Variants in USP54 observed in about 807,000 individuals in gnomAD.
USP54 encodes the protein ubiquitin carboxyl-terminal hydrolase 54.
USP54 carries 87 observed loss-of-function variants against 170.5 expected under a neutral mutation model. The ratio of observed to expected loss-of-function variants is 0.51; its 90% CI spans 0.43 to 0.61. USP54 has a LOEUF of 0.61. Ranked by LOEUF, USP54 falls within the 20% of genes least tolerant of loss-of-function variation. The pLI, the probability that USP54 is intolerant of heterozygous loss-of-function variation, is 0.00. For missense variants in USP54, 1,786 were observed against 2,047.8 expected (o/e 0.87, Z 2.47); for synonymous variants, 655 against 742.8 (o/e 0.88, Z 1.92).
chr10:73,558,994 T>G (rs1590377565), intron 4 of USP54, among the ~76,000 whole-genome samples: 1 of 152,182 alleles, frequency 6.6e-6, no homozygotes, highest in Admixed American at 6.5e-5. Flanking sequence ...CTCAAAAAAT[T>G]TTATAATATA....
In USP54 at chr10:73,505,438, A is replaced by AC; in HGVS notation, c.4052-13_4052-12insG. On this transcript the variant is annotated splice_polypyrimidine_tract_variant and intron_variant, in intron 20 of 23. Transcript: ENST00000687698. Reference sequence around the variant, plus strand: ...GCCATCTGCAGAGCCTGAAGAGGAAAACACAAATACAAGTTGAGGCCATCT... The same window carrying AC: ...GCCATCTGCAGAGCCTGAAGAGGAAACACACAAATACAAGTTGAGGCCATCT... The AC allele has an allele frequency of 6.2e-7, 1 of 1,612,304 alleles. No individual in the cohort carries two copies. The highest frequency in any genetic ancestry group is 8.5e-7 in the Non-Finnish European group (1 of 1,178,712).
At position 73,497,621 on chromosome 10, in the gene USP54, CTG is replaced by C. The variant is rs2057305372; in HGVS notation, c.*1006_*1007del. 6.6e-6 allele frequency: 1 copy of C among 151,974 alleles called. No homozygotes were observed. The highest frequency in any genetic ancestry group is 2.1e-4 in the South Asian group (1 of 4,828). The allele number at this position is 151,974 out of a possible 1,614,324, so 9.4% of individuals were successfully genotyped here. A position where few individuals can be genotyped will look rare whatever the true frequency, so the allele number is the denominator to read the frequency against. On this transcript the variant is annotated 3_prime_UTR_variant, in exon 24 of 24. Coordinates refer to ENST00000687698, the MANE Select transcript of USP54 (RefSeq NM_001391956.1). ...TTGGCCTAAAATAGTTCAGCTGACT[CTG>C]AGGGTTTACATTGACGACTGAGCAA...
Position 73,516,892 on chromosome 10 carries a change from T to C in USP54, c.3534A>G (p.Lys1178=), listed in dbSNP as rs760025284. The part of the protein sequence containing the change: ...SKPPFSQGQE[K]GHWPWAKQQS... ...GTTGCTTTGCCCATGGCCAGTGGCC[T>C]TTCTCTTGACCCTGTGAGAAAGGAG... is the stretch of plus-strand genomic sequence containing the variant. Residue 1178 remains lysine, a synonymous_variant, in exon 20 of 24, where the codon AAA becomes AAG. Coordinates refer to ENST00000687698, the MANE Select transcript of USP54 (RefSeq NM_001391956.1). 4.3e-6 allele frequency: 7 copies of C among 1,614,120 alleles called. No individual in the cohort carries two copies. The highest frequency in any genetic ancestry group is 1.3e-5 in the African/African-American group (1 of 74,946).
intron 12 of USP54, 130 bp downstream of exon 12, chr10:73,534,470 C>T: frequency 2.8e-6 from 3 of 1,079,636 alleles, no homozygotes; most frequent in Non-Finnish European, 3.9e-6. Flanking sequence ...CCTTGGCCGC[C>T]CGCCTCGGCC....
At chr10:73,613,307 T>C (rs566373335) in intron 1 of USP54, among the ~76,000 whole-genome samples, 2 of 151,580 alleles carry the variant, frequency 1.3e-5, no homozygotes, top group South Asian at 4.2e-4. Context: ...AATTTTTGTA[T>C]TTTTAGTCAA....
At chr10:73,610,524 T>C (rs2132308899) in intron 1 of USP54, among the ~76,000 whole-genome samples, 1 of 152,116 alleles carries the variant, frequency 6.6e-6, no homozygotes, top group South Asian at 2.1e-4. Context: ...TCTGGGAGGC[T>C]GAAGTGGGAG....
At chr10:73,581,185 G>A (rs1338554084) in intron 1 of USP54, among the ~76,000 whole-genome samples, 1 of 152,256 alleles carries the variant, frequency 6.6e-6, no homozygotes, top group South Asian at 2.1e-4. Context: ...CCCAGAATGG[G>A]AGGACAAGGC....
intron 4 of USP54, among the ~76,000 whole-genome samples, chr10:73,557,391 G>A (rs1273071777): frequency 6.6e-6 from 1 of 151,314 alleles, no homozygotes; most frequent in Non-Finnish European, 1.5e-5. Flanking sequence ...GCGCAATCTC[G>A]CTCACTGCAA....
intron 1 of USP54, among the ~76,000 whole-genome samples, chr10:73,598,553 A>AGT (rs1216579258): frequency 1.3e-5 from 2 of 152,012 alleles, no homozygotes; most frequent in African/African-American, 4.8e-5. Context: ...GAGAAGGCCG[A>AGT]TCACAACAAG....
intron 1 of USP54, chr10:73,606,311 T>G (rs1445740304): frequency 6.6e-6 from 1 of 151,800 alleles, no homozygotes; most frequent in Non-Finnish European, 1.5e-5. Flanking sequence ...TTTACCACAA[T>G]TTTTTAAAAA....
chr10:73,581,878 T>C (rs968905313), intron 1 of USP54, among the ~76,000 whole-genome samples: 1 of 152,190 alleles, frequency 6.6e-6, no homozygotes. Flanking sequence ...CATTACAGAT[T>C]AAGGTTGCCA....
chr10:73,555,823 G>T (rs1403115658), intron 4 of USP54, among the ~76,000 whole-genome samples: 1 of 152,008 alleles, frequency 6.6e-6, no homozygotes, highest in African/African-American at 2.4e-5. Context: ...CATAAATTCT[G>T]GCAAGGAAAG....
intron 3 of USP54, among the ~76,000 whole-genome samples, chr10:73,574,266 A>T (rs2075747130): frequency 6.6e-6 from 1 of 152,150 alleles, no homozygotes; most frequent in Non-Finnish European, 1.5e-5. Context: ...ACTTTCCCCT[A>T]GCTCTGTTCA....
chr10:73,592,229 AGTT>A (rs2078319704), upstream of USP54, among the ~76,000 whole-genome samples: 1 of 152,154 alleles, frequency 6.6e-6, no homozygotes, highest in African/African-American at 2.4e-5. Context: ...TATTGAAAGA[AGTT>A]GTTTTATAAG....
At position 73,519,828 on chromosome 10, in the gene USP54, T is replaced by A. The variant is rs368005532; in HGVS notation, c.2647A>T (p.Thr883Ser). ...GGCTGAGAGAGAGTCCCCGCCTGTG[T>A]TGGGAGGCAGGCTGAGGGCTGCGAC... The part of the protein sequence containing the change: ...QPSQPSACLP[T>S]QAGTLSQPTS... The change falls in exon 19 of 24, where the codon ACA becomes TCA. Residue 883 changes from threonine to serine, a missense_variant. Physicochemically the swap from Thr to Ser is moderately conservative, Grantham distance 58. Around this residue, in one of 3 missense-constraint regions of USP54, gnomAD observed 1,418 missense variants for 1,569.0 expected, o/e 0.90. Coordinates refer to ENST00000687698, the MANE Select transcript of USP54 (RefSeq NM_001391956.1). 9 of 1,614,034 alleles carry A rather than the reference T, an allele frequency of 5.6e-6. No individual in the cohort carries two copies. In the South Asian group the frequency reaches 9.9e-5, roughly 18 times the overall value.
At chr10:73,601,176 C>G (rs1225285665) in intron 1 of USP54, among the ~76,000 whole-genome samples, 2 of 152,086 alleles carry the variant, frequency 1.3e-5, no homozygotes, top group Admixed American at 6.6e-5. Context: ...AAATCCAACA[C>G]AGAAGTCTTC....
At chr10:73,604,592 A>AAT (rs1564954665) in intron 1 of USP54, among the ~76,000 whole-genome samples, 1 of 141,588 alleles carries the variant, frequency 7.1e-6, no homozygotes. Context: ...ATCTCCACAA[A>AAT]TTTTTTTTTT....
At chr10:73,536,233 G>A (rs1353116395) in intron 11 of USP54, 36 bp downstream of exon 11, 2 of 1,610,284 alleles carry the variant, frequency 1.2e-6, no homozygotes, top group Non-Finnish European at 8.5e-7. Flanking sequence ...CGCATGGGGT[G>A]AGGAGAGAGG....
chr10:73,610,607 G>A (rs908217041), intron 1 of USP54, among the ~76,000 whole-genome samples: 1 of 151,810 alleles, frequency 6.6e-6, no homozygotes, highest in Non-Finnish European at 1.5e-5. Context: ...CTGGACCACT[G>A]AGCAAGAACT....
Sources: allele counts gnomAD v4.1 joint callset (sites outside exome capture counted in the v4.1 genomes callset), GRCh38; gene constraint gnomAD v4.1.1; regional missense constraint gnomAD v4.1.1; transcripts MANE v1.5; gene names NCBI Gene and HGNC (gene_info 2026-07-23, HGNC 2026-07-21).